DIP2B: variants seen among roughly 807,000 people sequenced by gnomAD.
The protein encoded by DIP2B is disco-interacting protein 2 homolog B.
Under a neutral mutation model 198.0 loss-of-function variants are expected in DIP2B, and 76 were observed. The observed-to-expected ratio is 0.38, with a 90% CI of 0.32 to 0.46. The LOEUF is 0.46. DIP2B is among the 20% of genes least tolerant of loss of function. The pLI, the probability that DIP2B is intolerant of heterozygous loss-of-function variation, is 0.99. For missense variants in DIP2B, 1,559 were observed against 1,978.4 expected, an observed-to-expected ratio of 0.79 and a Z score of 4.02; for synonymous variants, 701 against 739.1, an observed-to-expected ratio of 0.95 and a Z score of 0.84.
chr12:50,670,771 T>C (rs1363097335), intron 4 of DIP2B, among the ~76,000 whole-genome samples: 1 of 152,140 alleles, frequency 6.6e-6, no homozygotes, highest in Non-Finnish European at 1.5e-5. Context: ...GTCAAGATCA[T>C]TTCCTTAGAG....
chr12:50,686,066 C>CCTG, intron 11 of DIP2B, 110 bp downstream of exon 11: 2 of 1,123,002 alleles, frequency 1.8e-6, no homozygotes, highest in Non-Finnish European at 2.4e-6. Context: ...CTATTTAATT[C>CCTG]TCATAGTCTT....
intron 1 of DIP2B, among the ~76,000 whole-genome samples, chr12:50,567,305 C>T (rs1477212409): frequency 6.6e-6 from 1 of 152,166 alleles, no homozygotes; most frequent in Non-Finnish European, 1.5e-5. Flanking sequence ...GTGCAATCCA[C>T]AGATTTTATT....
chr12:50,546,994 G>A (rs772538788), intron 1 of DIP2B, among the ~76,000 whole-genome samples: 1 of 152,044 alleles, frequency 6.6e-6, no homozygotes, highest in Non-Finnish European at 1.5e-5. Context: ...CTGCTTACTC[G>A]GAGGTTCGGT....
intron 1 of DIP2B, among the ~76,000 whole-genome samples, chr12:50,597,391 A>C (rs1049292200): frequency 1.3e-5 from 2 of 152,224 alleles, no homozygotes; most frequent in African/African-American, 4.8e-5. Flanking sequence ...TAATTTTCTT[A>C]GTTTATCCAT....
intron 3 of DIP2B, among the ~76,000 whole-genome samples, chr12:50,658,743 T>G (rs1938595024): frequency 6.6e-6 from 1 of 152,212 alleles, no homozygotes; most frequent in Admixed American, 6.5e-5. Flanking sequence ...GTTGTTGGTC[T>G]GTACACAGTG....
At chr12:50,593,369 G>A (rs1958836344) in intron 1 of DIP2B, among the ~76,000 whole-genome samples, 1 of 152,072 alleles carries the variant, frequency 6.6e-6, no homozygotes. Context: ...GCTAGGCGTG[G>A]TGACATGCAC....
chr12:50,585,238 G>A (rs934005009), intron 1 of DIP2B, among the ~76,000 whole-genome samples: 4 of 152,198 alleles, frequency 2.6e-5, no homozygotes, highest in African/African-American at 9.7e-5. Flanking sequence ...AATATTGATT[G>A]AGTGCCTATT....
intron 1 of DIP2B, among the ~76,000 whole-genome samples, chr12:50,520,787 T>C (rs984603694): frequency 6.6e-6 from 1 of 152,202 alleles, no homozygotes; most frequent in Admixed American, 6.5e-5. Context: ...TTAGTGAAAA[T>C]GCTTTTCGGT....
At chr12:50,510,760 C>T (rs1173610523) in intron 1 of DIP2B, among the ~76,000 whole-genome samples, 1 of 151,986 alleles carries the variant, frequency 6.6e-6, no homozygotes, top group Non-Finnish European at 1.5e-5. Context: ...ATTCTTCTGC[C>T]TCAGCCTCCT....
At chr12:50,674,651 C>T in intron 6 of DIP2B, 22 bp downstream of exon 6, 1 of 1,613,464 alleles carries the variant, frequency 6.2e-7, no homozygotes, top group Non-Finnish European at 8.5e-7. Flanking sequence ...TTTTTGGTAG[C>T]TCAATTGTAG....
At chr12:50,582,238 G>A (rs1356265102) in intron 1 of DIP2B, among the ~76,000 whole-genome samples, 5 of 131,014 alleles carry the variant, frequency 3.8e-5, no homozygotes, top group African/African-American at 1.5e-4. Context: ...TGCAGCCTCC[G>A]CCTCCCGGGT....
intron 28 of DIP2B, among the ~76,000 whole-genome samples, chr12:50,726,822 T>TGCCAGGTTA: frequency 6.6e-6 from 1 of 152,212 alleles, no homozygotes; most frequent in African/African-American, 2.4e-5. Context: ...CTTAAAATTC[T>TGCCAGGTTA]GCCAGGTTAG....
In DIP2B at chr12:50,696,599, G is replaced by A. The variant is rs114472873; in HGVS notation, c.1934-462G>A. On this transcript the variant is annotated intron_variant, in intron 16 of 37. Coordinates refer to ENST00000301180, the MANE Select transcript of DIP2B (RefSeq NM_173602.3). ...GTAGAATCAGGTAGAGCACTACACT[G>A]TTTGTCATAAATGGACTTTGTTAGT... 1.5e-3 allele frequency among the ~76,000 whole-genome samples: 221 copies of A among 152,268 alleles called. 2 individuals carry two copies. Among genetic ancestry groups the A allele is most frequent in the African/African-American group, 4.6e-3 (191 of 41,550 alleles).
intron 19 of DIP2B, 70 bp from the exon 20 acceptor site, chr12:50,704,070 A>G: frequency 7.2e-7 from 1 of 1,389,994 alleles, no homozygotes; most frequent in Non-Finnish European, 1.0e-6. Flanking sequence ...TTTTAATAAA[A>G]CTTTTTAAAA....
At chr12:50,518,747 TTTTG>T (rs907985926) in intron 1 of DIP2B, among the ~76,000 whole-genome samples, 3 of 26,834 alleles carry the variant, frequency 1.1e-4, no homozygotes, top group African/African-American at 2.8e-4. Context: ...TTCTGTCTTT[TTTTG>T]TTTGTTTTTG....
intron 1 of DIP2B, among the ~76,000 whole-genome samples, chr12:50,608,631 AAAAAAAAAAGAAAG>A (rs2139450565): frequency 6.6e-6 from 1 of 151,986 alleles, no homozygotes; most frequent in East Asian, 1.9e-4. Flanking sequence ...GTCTCAAAAA[AAAAAAAAAAGAAAG>A]AAAAGAAAAG....
At chr12:50,529,764 C>T (rs1323757709) in intron 1 of DIP2B, among the ~76,000 whole-genome samples, 1 of 151,934 alleles carries the variant, frequency 6.6e-6, no homozygotes, top group East Asian at 1.9e-4. Context: ...GTGGCCAAGG[C>T]AGGAGACTCG....
chr12:50,683,435 A>G (rs1939078468), intron 10 of DIP2B, among the ~76,000 whole-genome samples, 187 bp downstream of exon 10: 1 of 152,248 alleles, frequency 6.6e-6, no homozygotes, highest in Admixed American at 6.5e-5. Flanking sequence ...TATGCAAATA[A>G]CATATTTTGT....
intron 1 of DIP2B, among the ~76,000 whole-genome samples, chr12:50,576,886 G>A (rs1417729552): frequency 1.4e-5 from 2 of 147,366 alleles, no homozygotes; most frequent in South Asian, 2.2e-4. Flanking sequence ...TTTTTGATAC[G>A]GAGTTTCGGT....
Sources: allele counts gnomAD v4.1 joint callset (sites outside exome capture counted in the v4.1 genomes callset), GRCh38; gene constraint gnomAD v4.1.1; transcripts MANE v1.5; gene names NCBI Gene and HGNC (gene_info 2026-07-23, HGNC 2026-07-21).